The following YEATS2 variants were observed in gnomAD, a reference collection of about 807,000 sequenced individuals.
The protein encoded by YEATS2 is YEATS domain containing 2, also known as YEATS domain-containing protein 2.
YEATS2 carries 77 observed loss-of-function variants against 163.2 expected under a neutral mutation model. The ratio of observed to expected loss-of-function variants is 0.47; its 90% CI spans 0.39 to 0.57. The LOEUF (loss-of-function observed/expected upper bound fraction) is 0.57. Ranked by LOEUF, YEATS2 falls within the 20% of genes least tolerant of loss-of-function variation. The pLI is 0.00. For synonymous variants in YEATS2, 631 were observed against 645.1 expected (o/e 0.98, Z 0.33); for missense variants, 1,549 against 1,729.8 (o/e 0.90, Z 1.85).
intron 5 of YEATS2, among the ~76,000 whole-genome samples, chr3:183,722,974 T>C (rs1240845487): frequency 6.6e-6 from 1 of 152,216 alleles, no homozygotes; most frequent in African/African-American, 2.4e-5. Context: ...TTTCTAATTT[T>C]ACAGCCTGGA....
intron 9 of YEATS2, among the ~76,000 whole-genome samples, chr3:183,749,970 A>G (rs1577108352): frequency 6.7e-6 from 1 of 149,184 alleles, no homozygotes; most frequent in Non-Finnish European, 1.5e-5. Flanking sequence ...GGCACCTGCC[A>G]CCACGCCCGG....
At position 183,760,696 on chromosome 3, in the gene YEATS2, T is replaced by G. The variant is rs138588733; in HGVS notation, c.1657-811T>G. On this transcript the variant is annotated intron_variant, in intron 13 of 30. Coordinates refer to ENST00000305135, the MANE Select transcript of YEATS2 (RefSeq NM_018023.5). ...AAATTATTCAAGTTTTTTGTTTGTT[T>G]GCTTGTTTTTTAAGTTTTTATTGAA... 8.3e-3 allele frequency among the ~76,000 whole-genome samples: 1,269 copies of G among 152,226 alleles called. 5 individuals carry two copies. Among genetic ancestry groups the G allele is most frequent in the Non-Finnish European group, 0.013 (875 of 68,036 alleles).
intron 9 of YEATS2, among the ~76,000 whole-genome samples, chr3:183,749,244 G>T (rs2109266622): frequency 6.6e-6 from 1 of 152,184 alleles, no homozygotes; most frequent in Admixed American, 6.5e-5. Flanking sequence ...CGCCCGGCCG[G>T]TTCATATATT....
At chr3:183,775,811 G>A (rs1238103324) in intron 17 of YEATS2, 104 bp from the exon 18 acceptor site, 2 of 1,538,408 alleles carry the variant, frequency 1.3e-6, no homozygotes, top group African/African-American at 2.7e-5. Flanking sequence ...AAAGAAGAAG[G>A]AATGGCACTA....
chr3:183,790,838 T>C lies in YEATS2; in HGVS notation c.2955T>C (p.Ser985=), dbSNP rs1014336222. 1 of 1,614,062 alleles carries C rather than the reference T, an allele frequency of 6.2e-7. No individual in the cohort carries two copies. Among genetic ancestry groups the C allele is most frequent in the African/African-American group, 1.3e-5 (1 of 74,920 alleles). ...MAPVSSSTVS[S]VTKTSGQQQV... ...CCGTGTCTTCATCTACGGTCAGTTC[T>C]GTAACGAAAACTTCTGGGCAGCAGC... is the stretch of plus-strand genomic sequence containing the variant. Residue 985 remains serine, a synonymous_variant, in exon 21 of 31, where the codon TCT becomes TCC. Coordinates refer to ENST00000305135, the MANE Select transcript of YEATS2 (RefSeq NM_018023.5).
At chr3:183,775,345 C>G (rs1285833473) in intron 17 of YEATS2, among the ~76,000 whole-genome samples, 1 of 152,178 alleles carries the variant, frequency 6.6e-6, no homozygotes, top group Non-Finnish European at 1.5e-5. Context: ...CACCTGCAAT[C>G]CCAGCACTTT....
At chr3:183,739,304 T>TA (rs1367445608) in intron 8 of YEATS2, among the ~76,000 whole-genome samples, 1 of 150,470 alleles carries the variant, frequency 6.6e-6, no homozygotes, top group Non-Finnish European at 1.5e-5. Context: ...CAAGCATTCT[T>TA]ATACACCAAC....
At chr3:183,745,731 A>G (rs1043411309) in intron 8 of YEATS2, among the ~76,000 whole-genome samples, 1 of 152,112 alleles carries the variant, frequency 6.6e-6, no homozygotes, top group Non-Finnish European at 1.5e-5. Context: ...CTCTCTCCTT[A>G]CCCATTACCC....
At chr3:183,808,260 T>A in intron 29 of YEATS2, 156 bp downstream of exon 29, 1 of 625,644 alleles carries the variant, frequency 1.6e-6, no homozygotes, top group Non-Finnish European at 2.7e-6. Context: ...TTTGTTTTTT[T>A]TCCTTCTGAT....
chr3:183,783,528 A>G (rs115677543), intron 19 of YEATS2, among the ~76,000 whole-genome samples: 3,808 of 152,268 alleles, frequency 0.025, 57 homozygotes, highest in Non-Finnish European at 0.035. Context: ...ATCATACCCA[A>G]TAGTTAGTTT....
At position 183,805,483 on chromosome 3, in the gene YEATS2, A is replaced by G. The variant is rs117502616; in HGVS notation, c.3784+1295A>G. 0.01 allele frequency among the ~76,000 whole-genome samples: 1,545 copies of G among 152,134 alleles called. 63 individuals are homozygous for G. The East Asian group carries it at 0.11, about 11-fold the overall frequency. On this transcript the variant is annotated intron_variant, in intron 27 of 30. Coordinates refer to ENST00000305135, the MANE Select transcript of YEATS2 (RefSeq NM_018023.5). ...AAGCTCCACCCCTCCTGTCCAAGGA[A>G]ACCTGGAGCACAGAGGTGGGGTTAC...
intron 16 of YEATS2, 105 bp downstream of exon 16, chr3:183,772,668 T>A (rs1164238732): frequency 4.3e-6 from 6 of 1,405,254 alleles, no homozygotes; most frequent in Non-Finnish European, 4.8e-6. Context: ...AAAGCCTAGT[T>A]AGGTTGATGC....
chr3:183,747,095 A>G (rs1228604001), intron 8 of YEATS2, among the ~76,000 whole-genome samples: 1 of 152,174 alleles, frequency 6.6e-6, no homozygotes, highest in Non-Finnish European at 1.5e-5. Flanking sequence ...CTCTCTCAAA[A>G]AACAAATCAT....
In YEATS2 at chr3:183,804,588, CT is replaced by C. The variant is rs1386837801; in HGVS notation, c.3784+401del. Among the ~76,000 whole-genome samples the C allele has an allele frequency of 2.0e-5, 3 of 152,376 alleles. No individual in the cohort carries two copies. In the East Asian group the frequency reaches 5.8e-4, roughly 29 times the overall value. ...TGTGAAGATGAGGCCTGTGTCTCAT[CT>C]GTTACTTTATCTCCAAACCCAGCTC... On this transcript the variant is annotated intron_variant, in intron 27 of 30. Transcript: ENST00000305135.
At chr3:183,724,592 A>G (rs1390689083) in intron 6 of YEATS2, 61 bp downstream of exon 6, 1 of 1,260,994 alleles carries the variant, frequency 7.9e-7, no homozygotes, top group Non-Finnish European at 1.1e-6. Context: ...TGGCATTAAT[A>G]CTCTTACAGT....
At chr3:183,804,264 T>C in intron 27 of YEATS2, 76 bp downstream of exon 27, 1 of 1,558,996 alleles carries the variant, frequency 6.4e-7, no homozygotes, top group Middle Eastern at 2.1e-4. Context: ...GATGAGGACT[T>C]GGAAGAGTTG....
At chr3:183,705,994 G>A (rs1360276683) in intron 1 of YEATS2, among the ~76,000 whole-genome samples, 12 of 150,466 alleles carry the variant, frequency 8.0e-5, no homozygotes, top group Middle Eastern at 3.2e-3. Context: ...AGCCAAGATC[G>A]CACCACTGCA....
chr3:183,787,758 G>A (rs1724197920), intron 20 of YEATS2, among the ~76,000 whole-genome samples: 1 of 151,994 alleles, frequency 6.6e-6, no homozygotes, highest in African/African-American at 2.4e-5. Context: ...AGCACTTTGG[G>A]AGGCCGAGAA....
chr3:183,738,067 G>A (rs1484541521), intron 8 of YEATS2, among the ~76,000 whole-genome samples: 2 of 151,954 alleles, frequency 1.3e-5, no homozygotes, highest in Non-Finnish European at 2.9e-5. Flanking sequence ...TTTGGGGCAC[G>A]ACAAACCATG....
Sources: allele counts gnomAD v4.1 joint callset (sites outside exome capture counted in the v4.1 genomes callset), GRCh38; gene constraint gnomAD v4.1.1; transcripts MANE v1.5; gene names NCBI Gene and HGNC (gene_info 2026-07-23, HGNC 2026-07-21).